Variants in TRMT13 observed in about 807,000 individuals in gnomAD.
TRMT13 encodes the protein tRNA:m(4)X modification enzyme TRM13 homolog.
Under a neutral mutation model 55.9 loss-of-function variants are expected in TRMT13, and 45 were observed. The ratio of observed to expected loss-of-function variants is 0.80; its 90% confidence interval spans 0.63 to 1.03. The LOEUF is 1.03. TRMT13 is among the 50% of genes least tolerant of loss of function. The probability of loss-of-function intolerance (pLI) is 0.00; values close to 1 mark genes in which losing one functional copy is unlikely to be tolerated. For synonymous variants in TRMT13, 183 were observed against 196.3 expected (o/e 0.93, Z 0.57); for missense variants, 513 against 563.9 (o/e 0.91, Z 0.91).
At position 100,149,283 on chromosome 1, in the gene TRMT13, G is replaced by A. The variant is rs1230247832; in HGVS notation, c.*463G>A. 9.2e-6 allele frequency: 14 copies of A among 1,528,554 alleles called. No individual in the cohort carries two copies. Among genetic ancestry groups the A allele is most frequent in the Non-Finnish European group, 1.1e-5 (13 of 1,141,294 alleles). The allele number at this position is 1,528,554 out of a possible 1,614,324, so 94.7% of individuals were successfully genotyped here. A position where few individuals can be genotyped will look rare whatever the true frequency, so the allele number is the denominator to read the frequency against. On this transcript the variant is annotated 3_prime_UTR_variant, in exon 11 of 11. Transcript: ENST00000370141. ...TGTGGACATTTTTCCCTACAGATCT[G>A]GAAAGCACAATTGTGATTTTCTCAA...
rs916486420 is a variant in TRMT13 at position 100,149,476 on chromosome 1, G to A, written c.*656G>A. The A allele has an allele frequency of 2.0e-6, 3 of 1,510,506 alleles. No individual in the cohort carries two copies. The African/African-American group carries it at 4.2e-5, about 21-fold the overall frequency. 93.6% of individuals were successfully genotyped at this position (1,510,506 alleles called of 1,614,324 possible). On this transcript the variant is annotated 3_prime_UTR_variant, in exon 11 of 11. Transcript: ENST00000370141. ...AAAGATTATTTCACTTAATTATTTTGTTGGATAATTGTCTAGTTAGAACTT... is the reference window on the plus strand; with the variant it reads ...AAAGATTATTTCACTTAATTATTTTATTGGATAATTGTCTAGTTAGAACTT...
At chr1:100,133,371 G>T (rs552449892) in intron 1 of TRMT13, 56 bp downstream of exon 1, 10 of 1,564,560 alleles carry the variant, frequency 6.4e-6, no homozygotes, top group Non-Finnish European at 8.7e-6. Flanking sequence ...GGTCCTGTCG[G>T]TGCTGGAACC....
chr1:100,145,460 T>G (rs1185350058), intron 9 of TRMT13, among the ~76,000 whole-genome samples: 3 of 152,232 alleles, frequency 2.0e-5, no homozygotes, highest in African/African-American at 7.2e-5. Flanking sequence ...TTGTCTCTGC[T>G]GCAGTTGCTT....
chr1:100,136,829 T>A (rs1655935868), intron 1 of TRMT13, 53 bp from the exon 2 acceptor site: 8 of 1,419,960 alleles, frequency 5.6e-6, no homozygotes, highest in Non-Finnish European at 6.7e-6. Context: ...CTGGTATCTG[T>A]AAGCAATAAA....
intron 9 of TRMT13, among the ~76,000 whole-genome samples, chr1:100,145,837 C>T (rs1348704410): frequency 6.6e-6 from 1 of 152,238 alleles, no homozygotes; most frequent in African/African-American, 2.4e-5. Context: ...CACCACTGCA[C>T]TGCAGCCTGG....
intron 6 of TRMT13, 86 bp from the exon 7 acceptor site, chr1:100,140,766 C>A: frequency 7.8e-7 from 1 of 1,286,174 alleles, no homozygotes; most frequent in Non-Finnish European, 1.1e-6. Context: ...AAGCATACTG[C>A]CTTATGCAGA....
chr1:100,144,218 G>A, intron 9 of TRMT13, 75 bp downstream of exon 9: 2 of 1,040,850 alleles, frequency 1.9e-6, no homozygotes, highest in Non-Finnish European at 3.0e-6. Context: ...CATTTCAGTG[G>A]TCTCTTTTGA....
At chr1:100,147,861 T>C in intron 9 of TRMT13, 33 bp from the exon 10 acceptor site, 2 of 1,531,284 alleles carry the variant, frequency 1.3e-6, no homozygotes, top group Non-Finnish European at 1.7e-6. Context: ...AAAGATGATG[T>C]GGTTTGGGGG....
chr1:100,141,354 A>C (rs536846581), intron 7 of TRMT13, among the ~76,000 whole-genome samples: 1 of 152,154 alleles, frequency 6.6e-6, no homozygotes. Flanking sequence ...ATTTTTGAGC[A>C]TACTGCCAGG....
chr1:100,144,012 G>A, intron 8 of TRMT13, 57 bp from the exon 9 acceptor site: 1 of 1,423,428 alleles, frequency 7.0e-7, no homozygotes, highest in Non-Finnish European at 9.9e-7. Context: ...TCTTTTGGAA[G>A]GCCACATTAA....
At chr1:100,140,292 A>C in intron 5 of TRMT13, 41 bp downstream of exon 5, 1 of 1,581,330 alleles carries the variant, frequency 6.3e-7, no homozygotes, top group Non-Finnish European at 8.7e-7. Flanking sequence ...ATTTTAGAGT[A>C]ATTAGGTGGT....
In TRMT13 at chr1:100,137,107, T is replaced by C. The variant is rs377630620; in HGVS notation, c.261+22T>C. 1.1e-5 allele frequency: 17 copies of C among 1,593,596 alleles called. 1 individual carries two copies. Among genetic ancestry groups the C allele is most frequent in the East Asian group, 2.2e-5 (1 of 44,740 alleles). The stretch of plus-strand genomic sequence containing the variant: ...ACCTGTAAGTGTTTGATCAGTAAAA[T>C]TGAATGGTGAAATGTGGTATGTAAT... On this transcript the variant is annotated intron_variant, in intron 3 of 10. Coordinates refer to ENST00000370141, the MANE Select transcript of TRMT13 (RefSeq NM_019083.3).
chr1:100,135,163 C>G (rs749952013), intron 1 of TRMT13, among the ~76,000 whole-genome samples: 17 of 152,136 alleles, frequency 1.1e-4, no homozygotes, highest in Non-Finnish European at 1.9e-4. Flanking sequence ...CTCACCCCCT[C>G]AAAAGAATTA....
chr1:100,148,078 C>T lies in TRMT13; in HGVS notation c.1002C>T (p.Leu334=). 6.2e-7 allele frequency: 1 copy of T among 1,614,216 alleles called. No individual in the cohort carries two copies. Among genetic ancestry groups the T allele is most frequent in the Non-Finnish European group, 8.5e-7 (1 of 1,180,040 alleles). ...CTGTGGCTGGCATTGTTATTGCACT[C>T]TGTTGTCACCACAGGTGTGATTGGA... ...WNPVAGIVIA[L]CCHHRCDWRH... The change falls in exon 10 of 11, where the codon CTC becomes CTT. Residue 334 remains leucine, a synonymous_variant. Transcript: ENST00000370141.
At position 100,144,328 on chromosome 1, in the gene TRMT13, T is replaced by C. The variant is rs575733321; in HGVS notation, c.817+185T>C. On this transcript the variant is annotated intron_variant, in intron 9 of 10. Transcript: ENST00000370141. ...CCTATTTATCTGCTCATATTGGCCA[T>C]TTTGCAGGATGAATTAAGAGTTTTG... 10 of 511,754 alleles carry C rather than the reference T, an allele frequency of 2.0e-5. No individual in the cohort carries two copies. The East Asian group carries it at 3.2e-4, about 16-fold the overall frequency. The allele number at this position is 511,754 out of a possible 1,614,324, so 31.7% of individuals were successfully genotyped here.
intron 9 of TRMT13, among the ~76,000 whole-genome samples, chr1:100,144,966 G>C (rs1454192433): frequency 6.6e-6 from 1 of 152,196 alleles, no homozygotes; most frequent in Admixed American, 6.5e-5. Context: ...TAAGACTATA[G>C]TCATGTACAA....
chr1:100,140,270 G>T lies in TRMT13; in HGVS notation c.394+19G>T. 2 of 1,606,460 alleles carry T rather than the reference G, an allele frequency of 1.2e-6. No individual in the cohort carries two copies. The highest frequency in any genetic ancestry group is 1.3e-5 in the African/African-American group (1 of 74,604). On this transcript the variant is annotated intron_variant, in intron 5 of 10. Coordinates refer to ENST00000370141, the MANE Select transcript of TRMT13 (RefSeq NM_019083.3). ...AGTGAAGGTAAGACTGCCTAAAGTT[G>T]CAAGTTCAATTATTTTAGAGTAATT...
At chr1:100,148,398 TTA>T (rs1179955501) in intron 10 of TRMT13, 72 bp downstream of exon 10, 3 of 1,376,072 alleles carry the variant, frequency 2.2e-6, no homozygotes, top group African/African-American at 2.9e-5. Context: ...TAGATGACTA[TTA>T]TCAACAATTC....
Position 100,149,073 on chromosome 1 carries a change from G to A in TRMT13, c.*253G>A. The A allele has an allele frequency of 6.2e-7, 1 of 1,602,914 alleles. No individual in the cohort carries two copies. On this transcript the variant is annotated 3_prime_UTR_variant, in exon 11 of 11. Transcript: ENST00000370141. ...ATCCGTATTTATGGAGATTGGTAAA[G>A]TAGTTGAACCGTTGACTTGGTGATC...
Sources: gnomAD v4.1 joint callset for allele counts (sites outside exome capture counted in the v4.1 genomes callset) on GRCh38, gnomAD v4.1.1 for gene constraint, MANE v1.5 for transcripts, NCBI Gene and HGNC (gene_info 2026-07-23, HGNC 2026-07-21) for gene names.